GADL1: variants seen among roughly 807,000 people sequenced by gnomAD.
The protein encoded by GADL1 is acidic amino acid decarboxylase GADL1.
Under a neutral mutation model 69.5 loss-of-function variants are expected in GADL1, and 71 were observed. That is an observed-to-expected ratio of 1.02 (90% CI 0.84 to 1.25). The LOEUF is 1.25. Among genes scored for constraint, GADL1 ranks in the 50% most tolerant of loss-of-function variants. The probability of loss-of-function intolerance (pLI) is 0.00; values close to 1 mark genes in which losing one functional copy is unlikely to be tolerated. For synonymous variants in GADL1, 254 were observed against 214.4 expected (o/e 1.18, Z -1.62); for missense variants, 737 against 631.8 (o/e 1.17, Z -1.79).
chr3:30,827,453 G>A (rs1402209149), intron 11 of GADL1, among the ~76,000 whole-genome samples: 2 of 151,888 alleles, frequency 1.3e-5, no homozygotes, highest in Non-Finnish European at 2.9e-5. Context: ...TATGGGGCAT[G>A]GATCTAAAGC....
intron 14 of GADL1, among the ~76,000 whole-genome samples, chr3:30,767,172 C>T (rs1029793199): frequency 1.3e-5 from 2 of 152,132 alleles, no homozygotes; most frequent in African/African-American, 4.8e-5. Flanking sequence ...GTTTCAGTAA[C>T]TTGTTCATGG....
intron 12 of GADL1, among the ~76,000 whole-genome samples, chr3:30,796,192 T>C (rs1697029231): frequency 6.6e-6 from 1 of 152,136 alleles, no homozygotes; most frequent in Non-Finnish European, 1.5e-5. Context: ...TTAGACAAAA[T>C]AATGCAGAGA....
At chr3:30,760,644 T>G (rs1696105081) in intron 14 of GADL1, among the ~76,000 whole-genome samples, 1 of 152,218 alleles carries the variant, frequency 6.6e-6, no homozygotes, top group Non-Finnish European at 1.5e-5. Flanking sequence ...GTATCTTAAG[T>G]GCTCTGACAA....
chr3:30,851,015 CAG>C, intron 4 of GADL1, 74 bp from the exon 5 acceptor site: 1 of 882,088 alleles, frequency 1.1e-6, no homozygotes. Flanking sequence ...AAGAAATGCA[CAG>C]AGTTCTATTA....
intron 14 of GADL1, among the ~76,000 whole-genome samples, chr3:30,768,616 C>A (rs1253746109): frequency 1.3e-5 from 2 of 151,754 alleles, no homozygotes; most frequent in East Asian, 1.9e-4. Flanking sequence ...ACTGGAGGTG[C>A]AAAGACCTCT....
chr3:30,755,585 T>TTG (rs3042991), intron 14 of GADL1, among the ~76,000 whole-genome samples: 139 of 151,700 alleles, frequency 9.2e-4, no homozygotes, highest in Admixed American at 4.2e-3. Flanking sequence ...CCATTTTTGC[T>TTG]TGTGTGTGTG....
intron 1 of GADL1, among the ~76,000 whole-genome samples, chr3:30,876,754 C>T (rs1024214559): frequency 6.6e-6 from 1 of 151,926 alleles, no homozygotes; most frequent in Non-Finnish European, 1.5e-5. Flanking sequence ...CATCCTTCAA[C>T]CAATAAGTGA....
chr3:30,808,878 A>G (rs1697305040), intron 11 of GADL1, among the ~76,000 whole-genome samples: 2 of 152,196 alleles, frequency 1.3e-5, no homozygotes, highest in African/African-American at 4.8e-5. Flanking sequence ...CAGGTCATCA[A>G]AATAATTCGA....
At chr3:30,801,135 CTT>C in intron 11 of GADL1, 47 bp from the exon 12 acceptor site, 1 of 1,475,002 alleles carries the variant, frequency 6.8e-7, no homozygotes, top group African/African-American at 1.4e-5. Context: ...TAGAATATAA[CTT>C]GATTTTGAAA....
intron 11 of GADL1, among the ~76,000 whole-genome samples, chr3:30,832,914 G>A (rs1697815429): frequency 8.1e-6 from 1 of 123,020 alleles, no homozygotes; most frequent in African/African-American, 4.5e-5. Context: ...AGTTTCTGAT[G>A]GACAGTCTGA....
chr3:30,879,014 G>A (rs1031354012), intron 1 of GADL1, among the ~76,000 whole-genome samples: 23 of 151,858 alleles, frequency 1.5e-4, no homozygotes, highest in African/African-American at 5.6e-4. Flanking sequence ...AGGTATGTGG[G>A]GAGTAAAGAA....
intron 14 of GADL1, among the ~76,000 whole-genome samples, chr3:30,761,292 GCTC>G (rs61291311): frequency 0.42 from 64,035 of 151,700 alleles, 13,533 homozygotes; most frequent in Non-Finnish European, 0.44. Context: ...GCCTCTCAGA[GCTC>G]CTCAACAAGC....
chr3:30,802,709 C>T (rs1170768528), intron 11 of GADL1, among the ~76,000 whole-genome samples: 1 of 152,152 alleles, frequency 6.6e-6, no homozygotes, highest in African/African-American at 2.4e-5. Flanking sequence ...TATTCTATTA[C>T]AAAAAAGTAT....
chr3:30,801,053 A>C lies in GADL1; in HGVS notation c.1086T>G (p.Ser362=). 6 of 1,613,954 alleles carry C rather than the reference A, an allele frequency of 3.7e-6. No homozygotes were observed. Among genetic ancestry groups the C allele is most frequent in the Non-Finnish European group, 4.2e-6 (5 of 1,179,918 alleles). ...AGAATTTATCCTGCTGGAAGAGGTA[A>C]GATGCCTTGGCAGAGTAGCATTTTT... ...LLKKCYSAKA[S]YLFQQDKFYD... The change falls in exon 12 of 15, where the codon TCT becomes TCG. Residue 362 remains serine, a synonymous_variant. Coordinates refer to ENST00000282538, the MANE Select transcript of GADL1 (RefSeq NM_207359.3).
At chr3:30,749,977 T>C (rs1275680754) in intron 14 of GADL1, among the ~76,000 whole-genome samples, 1 of 152,190 alleles carries the variant, frequency 6.6e-6, no homozygotes, top group Non-Finnish European at 1.5e-5. Flanking sequence ...GCAGGAGGTT[T>C]TGTACTTTAG....
chr3:30,829,873 T>C lies in GADL1; in HGVS notation c.1050+3980A>G, dbSNP rs1371876212. Among the ~76,000 whole-genome samples, 6 of 151,926 alleles carry C rather than the reference T, an allele frequency of 3.9e-5. No homozygotes were observed. The East Asian group carries it at 1.2e-3, about 30-fold the overall frequency. On this transcript the variant is annotated intron_variant, in intron 11 of 14. Coordinates refer to ENST00000282538, the MANE Select transcript of GADL1 (RefSeq NM_207359.3). Reference sequence around the variant, plus strand: ...AAATCATAATTACAAATAGTAATTATACACACTATTATGCAAATAGTAACT... The same window carrying C: ...AAATCATAATTACAAATAGTAATTACACACACTATTATGCAAATAGTAACT...
chr3:30,755,183 C>T (rs968021805), intron 14 of GADL1, among the ~76,000 whole-genome samples: 1 of 152,114 alleles, frequency 6.6e-6, no homozygotes, highest in Non-Finnish European at 1.5e-5. Context: ...CTAACCTGTA[C>T]CTTACTGTAA....
chr3:30,792,466 A>G (rs1200677000), intron 12 of GADL1, among the ~76,000 whole-genome samples: 1 of 152,104 alleles, frequency 6.6e-6, no homozygotes, highest in Non-Finnish European at 1.5e-5. Context: ...CCAGCTACTC[A>G]GGAGGCTGAG....
chr3:30,817,812 G>C (rs1009871228), intron 11 of GADL1, among the ~76,000 whole-genome samples: 7 of 152,240 alleles, frequency 4.6e-5, no homozygotes, highest in East Asian at 1.9e-4. Flanking sequence ...CTATTTCAAG[G>C]TAAGATCAAA....
Sources: gnomAD v4.1 joint callset for allele counts (sites outside exome capture counted in the v4.1 genomes callset) on GRCh38, gnomAD v4.1.1 for gene constraint, MANE v1.5 for transcripts, NCBI Gene and HGNC (gene_info 2026-07-23, HGNC 2026-07-21) for gene names.